The following PRLR variants were observed in gnomAD, a reference collection of about 807,000 sequenced individuals.
PRLR encodes hPRL receptor.
Under a neutral mutation model 40.2 loss-of-function variants are expected in PRLR, and 13 were observed. That is an observed-to-expected ratio of 0.32 (90% CI 0.21 to 0.51). The LOEUF is 0.51. PRLR is among the 20% of genes least tolerant of loss of function. The pLI is 0.97. For missense variants in PRLR, 656 were observed against 747.3 expected (o/e 0.88, Z 1.42); for synonymous variants, 269 against 278.7 (o/e 0.97, Z 0.35).
intron 5 of PRLR, among the ~76,000 whole-genome samples, chr5:35,077,519 T>C (rs1300084699): frequency 1.4e-5 from 2 of 146,856 alleles, no homozygotes; most frequent in Non-Finnish European, 3.0e-5. Flanking sequence ...CTAAATATGT[T>C]TGCACCCAAT....
Position 35,084,585 on chromosome 5 carries a change from G to A in PRLR, c.258C>T (p.Cys86=). 6.2e-7 allele frequency: 1 copy of A among 1,610,422 alleles called. No individual in the cohort carries two copies. The highest frequency in any genetic ancestry group is 8.5e-7 in the Non-Finnish European group (1 of 1,178,664). ...PDYITGGPNS[C]HFGKQYTSMW... is the part of the protein sequence containing the mutation. ...TGGAGGTGTACTGCTTGCCAAAGTG[G>A]CAGGAGTTGGGGCCACCGGTTATGT... The change falls in exon 5 of 10, where the codon TGC becomes TGT. Residue 86 remains cysteine (C), a synonymous_variant. Coordinates refer to ENST00000618457, the MANE Select transcript of PRLR (RefSeq NM_000949.7).
chr5:35,168,018 G>A (rs1242043275), intron 1 of PRLR, among the ~76,000 whole-genome samples: 1 of 151,548 alleles, frequency 6.6e-6, no homozygotes, highest in Non-Finnish European at 1.5e-5. Context: ...AAAGATATGG[G>A]AAAAAAAGAC....
chr5:35,069,357 C>G (rs1441625369), intron 7 of PRLR, among the ~76,000 whole-genome samples: 5 of 152,148 alleles, frequency 3.3e-5, no homozygotes, highest in Non-Finnish European at 5.9e-5. Flanking sequence ...AGACCCTGTG[C>G]TTTTGTTAAG....
In PRLR at chr5:35,065,829, G is replaced by A; in HGVS notation, c.1129C>T (p.Pro377Ser). ...TTCTCTGGCTTCTCAATGACCTCAG[G>A]ATCATAGAATGTGGAGGGATTGGCC... is the stretch of plus-strand genomic sequence containing the variant. ...PQANPSTFYD[P>S]EVIEKPENPE... is the part of the protein sequence containing the mutation. The change falls in exon 10 of 10, where the codon CCT (proline) becomes TCT (serine). Residue 377 changes from proline (P) to serine (S), a missense_variant. Physicochemically the swap from Pro to Ser is moderately conservative, Grantham distance 74. Coordinates refer to ENST00000618457, the MANE Select transcript of PRLR (RefSeq NM_000949.7). The A allele has an allele frequency of 6.2e-7, 1 of 1,614,134 alleles. No individual in the cohort carries two copies. The highest frequency in any genetic ancestry group is 8.5e-7 in the Non-Finnish European group (1 of 1,180,018).
chr5:35,089,091 G>A (rs1011602069), intron 3 of PRLR, among the ~76,000 whole-genome samples: 6 of 152,142 alleles, frequency 3.9e-5, no homozygotes, highest in South Asian at 2.1e-4. Flanking sequence ...TAATAGAGTC[G>A]GCTGTACCTG....
chr5:35,163,725 C>T (rs1774742158), intron 1 of PRLR, among the ~76,000 whole-genome samples: 1 of 152,162 alleles, frequency 6.6e-6, no homozygotes, highest in Admixed American at 6.5e-5. Flanking sequence ...TCAAGGAAGG[C>T]TTATGTTAAT....
chr5:35,147,039 G>A (rs924378834), intron 1 of PRLR, among the ~76,000 whole-genome samples: 2 of 152,168 alleles, frequency 1.3e-5, no homozygotes, highest in African/African-American at 2.4e-5. Context: ...AGAGTAGGAT[G>A]CTGAACTGAG....
chr5:35,161,208 T>C (rs1015100437), intron 1 of PRLR, among the ~76,000 whole-genome samples: 4 of 152,062 alleles, frequency 2.6e-5, no homozygotes, highest in African/African-American at 9.7e-5. Context: ...GCAAGTAGAG[T>C]TGTCATCCTG....
At chr5:35,212,204 A>C (rs758890961) in intron 1 of PRLR, among the ~76,000 whole-genome samples, 11 of 152,226 alleles carry the variant, frequency 7.2e-5, no homozygotes, top group Non-Finnish European at 1.3e-4. Flanking sequence ...AATCATGTAG[A>C]GTCTGAAAAA....
chr5:35,158,263 A>G (rs1774568398), intron 1 of PRLR, among the ~76,000 whole-genome samples: 1 of 152,170 alleles, frequency 6.6e-6, no homozygotes, highest in African/African-American at 2.4e-5. Context: ...GAACTAGACC[A>G]TGTGTGTATT....
At chr5:35,149,152 A>G (rs750561306) in intron 1 of PRLR, among the ~76,000 whole-genome samples, 11 of 152,160 alleles carry the variant, frequency 7.2e-5, no homozygotes, top group Non-Finnish European at 1.6e-4. Context: ...GTTGCTTAGT[A>G]ACTATTTTAG....
At chr5:35,115,349 C>G (rs1295612060) in intron 2 of PRLR, among the ~76,000 whole-genome samples, 1 of 152,126 alleles carries the variant, frequency 6.6e-6, no homozygotes, top group Non-Finnish European at 1.5e-5. Flanking sequence ...AAATTGCTGT[C>G]TATAAATTAA....
intron 5 of PRLR, among the ~76,000 whole-genome samples, chr5:35,076,663 A>G (rs1272562225): frequency 2.0e-5 from 3 of 152,188 alleles, no homozygotes; most frequent in Non-Finnish European, 4.4e-5. Flanking sequence ...TAGAAAGGCA[A>G]GCCAACATTC....
At chr5:35,198,004 TG>T (rs1375124495) in intron 1 of PRLR, among the ~76,000 whole-genome samples, 1 of 152,242 alleles carries the variant, frequency 6.6e-6, no homozygotes, top group African/African-American at 2.4e-5. Context: ...TATTGTGGCA[TG>T]GATGCCGATG....
chr5:35,150,755 GA>G (rs771995479), intron 1 of PRLR, among the ~76,000 whole-genome samples: 5 of 151,190 alleles, frequency 3.3e-5, no homozygotes, highest in African/African-American at 7.3e-5. Context: ...GTAAGAATAG[GA>G]AAAAAAAATC....
rs73075090 is a variant in PRLR, at chr5:35,125,513, T to C, written c.-105-7391A>G. On this transcript the variant is annotated intron_variant, in intron 1 of 9. Transcript: ENST00000618457. The stretch of plus-strand genomic sequence containing the variant: ...CTTCTAAAGGAAATGGTTTAAAAAA[T>C]AATTCCCAATTCATTGCAATATTAA... 2.9e-3 allele frequency among the ~76,000 whole-genome samples: 446 copies of C among 152,306 alleles called. 4 individuals carry two copies. Among genetic ancestry groups the C allele is most frequent in the African/African-American group, 0.01 (435 of 41,568 alleles).
chr5:35,188,742 G>A (rs917894402), intron 1 of PRLR, among the ~76,000 whole-genome samples: 7 of 152,268 alleles, frequency 4.6e-5, no homozygotes, highest in African/African-American at 1.4e-4. Context: ...AATACAAACC[G>A]GTGGAATCTC....
intron 1 of PRLR, among the ~76,000 whole-genome samples, chr5:35,143,570 T>A (rs1774084369): frequency 6.6e-6 from 1 of 152,228 alleles, no homozygotes; most frequent in African/African-American, 2.4e-5. Flanking sequence ...GGTATATTTG[T>A]TCACCTATTT....
chr5:35,206,915 C>A (rs1169671916), intron 1 of PRLR, among the ~76,000 whole-genome samples: 1 of 151,974 alleles, frequency 6.6e-6, no homozygotes, highest in African/African-American at 2.4e-5. Context: ...AAAAATACTT[C>A]CATAGTCAAA....
Sources: gnomAD v4.1 joint callset for allele counts (sites outside exome capture counted in the v4.1 genomes callset) on GRCh38, gnomAD v4.1.1 for gene constraint, MANE v1.5 for transcripts, NCBI Gene and HGNC (gene_info 2026-07-23, HGNC 2026-07-21) for gene names.